FARS2: variants seen among roughly 807,000 people sequenced by gnomAD.
FARS2 encodes phenylalanyl-tRNA synthetase 2, mitochondrial.
Under a neutral mutation model 46.4 loss-of-function variants are expected in FARS2, and 40 were observed. The ratio of observed to expected loss-of-function variants is 0.86; its 90% CI spans 0.67 to 1.12. FARS2 has a LOEUF of 1.12. Among genes scored for constraint, FARS2 ranks in the 50% most tolerant of loss-of-function variants. The pLI is 0.00. For synonymous variants in FARS2, 234 were observed against 214.9 expected, an observed-to-expected ratio of 1.09 and a Z score of -0.78; for missense variants, 513 against 567.9, an observed-to-expected ratio of 0.90 and a Z score of 0.98.
chr6:5,686,011 A>C (rs1757168989), intron 6 of FARS2, among the ~76,000 whole-genome samples: 1 of 152,182 alleles, frequency 6.6e-6, no homozygotes, highest in Non-Finnish European at 1.5e-5. Context: ...TGAAGGGTGA[A>C]AATGATGCCG....
intron 1 of FARS2, among the ~76,000 whole-genome samples, chr6:5,317,606 CCCCATCTCTACAAAAATACAA>C (rs1769625500): frequency 6.6e-6 from 1 of 151,882 alleles, no homozygotes; most frequent in Non-Finnish European, 1.5e-5. Context: ...CATGGCAAAA[CCCCATCTCTACAAAAATACAA>C]AAATTAGCTG....
At chr6:5,308,051 T>C (rs1167647293) in intron 1 of FARS2, among the ~76,000 whole-genome samples, 1 of 152,192 alleles carries the variant, frequency 6.6e-6, no homozygotes, top group Non-Finnish European at 1.5e-5. Context: ...TTTTTATGTT[T>C]ATCAAATAAA....
chr6:5,769,648 G>A (rs1762931206), intron 6 of FARS2, among the ~76,000 whole-genome samples: 1 of 152,182 alleles, frequency 6.6e-6, no homozygotes, highest in Admixed American at 6.5e-5. Context: ...GAGAGGATTT[G>A]ATTTCTCCCT....
chr6:5,661,493 T>G (rs944632532), intron 6 of FARS2, among the ~76,000 whole-genome samples: 1 of 152,016 alleles, frequency 6.6e-6, no homozygotes, highest in South Asian at 2.1e-4. Context: ...GGTGGCCAGA[T>G]AGAGGAGAGC....
chr6:5,716,741 A>G (rs1407134712), intron 6 of FARS2, among the ~76,000 whole-genome samples: 3 of 152,222 alleles, frequency 2.0e-5, no homozygotes, highest in African/African-American at 7.2e-5. Flanking sequence ...AGAAACATGT[A>G]CCAACATCTA....
At chr6:5,566,692 A>G (rs1203241068) in intron 5 of FARS2, among the ~76,000 whole-genome samples, 2 of 152,228 alleles carry the variant, frequency 1.3e-5, no homozygotes, top group African/African-American at 2.4e-5. Flanking sequence ...GGACTTTTAA[A>G]TATACCTATA....
chr6:5,302,480 T>TA (rs911407825), intron 1 of FARS2, among the ~76,000 whole-genome samples: 12 of 151,010 alleles, frequency 7.9e-5, no homozygotes, highest in African/African-American at 1.2e-4. Context: ...GAGTTGAAGT[T>TA]AAAAAAAAAT....
intron 6 of FARS2, among the ~76,000 whole-genome samples, chr6:5,642,943 G>A (rs533495175): frequency 2.0e-5 from 3 of 152,344 alleles, no homozygotes; most frequent in South Asian, 2.1e-4. Context: ...GCGTGTTCAC[G>A]CTGGCTGTGG....
At chr6:5,609,810 G>T in intron 5 of FARS2, 1 of 1,223,402 alleles carries the variant, frequency 8.2e-7, no homozygotes, top group Admixed American at 1.7e-5. Context: ...TTTCCAAACT[G>T]TTCAAAATAA....
chr6:5,575,448 A>G (rs1367261918), intron 5 of FARS2, among the ~76,000 whole-genome samples: 1 of 152,214 alleles, frequency 6.6e-6, no homozygotes, highest in Non-Finnish European at 1.5e-5. Flanking sequence ...AATATTTGAG[A>G]GCAAATGGGA....
At chr6:5,396,639 C>T (rs1231603512) in intron 2 of FARS2, among the ~76,000 whole-genome samples, 1 of 152,098 alleles carries the variant, frequency 6.6e-6, no homozygotes, top group Admixed American at 6.6e-5. Flanking sequence ...TTAGGCTCAC[C>T]GAAAGTGACA....
chr6:5,602,830 T>C (rs557514583), intron 5 of FARS2, among the ~76,000 whole-genome samples: 1 of 152,254 alleles, frequency 6.6e-6, no homozygotes, highest in African/African-American at 2.4e-5. Context: ...TTTGGCACGC[T>C]TATAATTTAT....
intron 6 of FARS2, among the ~76,000 whole-genome samples, chr6:5,659,679 A>C (rs1777761569): frequency 6.6e-6 from 1 of 152,226 alleles, no homozygotes; most frequent in African/African-American, 2.4e-5. Context: ...CAACAGAGTC[A>C]CTTAAATGCT....
chr6:5,316,887 A>T (rs73718064), intron 1 of FARS2, among the ~76,000 whole-genome samples: 1 of 152,162 alleles, frequency 6.6e-6, no homozygotes, highest in Non-Finnish European at 1.5e-5. Context: ...TAACTGACCC[A>T]AGGGATGGGA....
chr6:5,488,641 A>AAGGAGAATGGCGTGAACCCGGGAAGC (rs1561657202), intron 4 of FARS2, among the ~76,000 whole-genome samples: 3 of 151,776 alleles, frequency 2.0e-5, no homozygotes, highest in African/African-American at 7.3e-5. Flanking sequence ...ATGGAGCATA[A>AAGGAGAATGGCGTGAACCCGGGAAGC]GAGTTTAGTT....
intron 5 of FARS2, among the ~76,000 whole-genome samples, chr6:5,588,971 A>C (rs1773769970): frequency 1.3e-5 from 2 of 152,238 alleles, no homozygotes; most frequent in Non-Finnish European, 2.9e-5. Flanking sequence ...AGCCATTCCT[A>C]ATAGTCTTTC....
rs200206 is a variant in FARS2 at position 5,462,227 on chromosome 6, C to T, written c.904+31055C>T. ...TGATTAAATACCTATTCAAATATTG[C>T]GCCCATTTTTAATTGGATTATTTGT... On this transcript the variant is annotated intron_variant, in intron 4 of 6. Coordinates refer to ENST00000274680, the MANE Select transcript of FARS2 (RefSeq NM_006567.5). Among the ~76,000 whole-genome samples, 316 of 152,106 alleles carry T rather than the reference C, an allele frequency of 2.1e-3. 3 individuals are homozygous for T. The highest frequency in any genetic ancestry group is 6.9e-3 in the African/African-American group (288 of 41,486).
At chr6:5,328,740 C>A (rs1214179407) in intron 1 of FARS2, among the ~76,000 whole-genome samples, 1 of 151,986 alleles carries the variant, frequency 6.6e-6, no homozygotes, top group Non-Finnish European at 1.5e-5. Context: ...GAATCTCTTC[C>A]TAGCAAGAAG....
rs187344139 is a variant in FARS2 at position 5,472,646 on chromosome 6, T to C, written c.904+41474T>C. Reference sequence around the variant, plus strand: ...TAAATTCTGCCCATTCTGTGTTTTTTAAATTTTAAAATCAGGTCTCTCCAT... The same window carrying C: ...TAAATTCTGCCCATTCTGTGTTTTTCAAATTTTAAAATCAGGTCTCTCCAT... On this transcript the variant is annotated intron_variant, in intron 4 of 6. Coordinates refer to ENST00000274680, the MANE Select transcript of FARS2 (RefSeq NM_006567.5). 7.9e-4 allele frequency among the ~76,000 whole-genome samples: 120 copies of C among 152,330 alleles called. 1 individual carries two copies. The highest frequency in any genetic ancestry group is 2.8e-3 in the African/African-American group (118 of 41,582).
Sources: allele counts gnomAD v4.1 joint callset (sites outside exome capture counted in the v4.1 genomes callset), GRCh38; gene constraint gnomAD v4.1.1; transcripts MANE v1.5; gene names NCBI Gene and HGNC (gene_info 2026-07-23, HGNC 2026-07-21).